LNX2: variants seen among roughly 807,000 people sequenced by gnomAD.
LNX2 encodes ligand of Numb protein X 2.
Under a neutral mutation model 66.2 loss-of-function variants are expected in LNX2, and 35 were observed. That is an observed-to-expected ratio of 0.53 (90% CI 0.40 to 0.70). The LOEUF is 0.70. LNX2 is among the 30% of genes least tolerant of loss of function. The pLI is 0.00. For synonymous variants in LNX2, 337 were observed against 315.6 expected, an observed-to-expected ratio of 1.07 and a Z score of -0.72; for missense variants, 791 against 850.8, an observed-to-expected ratio of 0.93 and a Z score of 0.87.
intron 9 of LNX2, 69 bp from the exon 10 acceptor site, chr13:27,548,539 T>A: frequency 6.6e-7 from 1 of 1,515,782 alleles, no homozygotes; most frequent in Non-Finnish European, 9.0e-7. Context: ...AATTGAGATT[T>A]ATGTAGCATG....
At chr13:27,616,174 T>TGGGGGGGG (rs1222027544) in intron 1 of LNX2, among the ~76,000 whole-genome samples, 1 of 10,310 alleles carries the variant, frequency 9.7e-5, no homozygotes, top group Non-Finnish European at 2.1e-4. Context: ...GGGTCGGGGG[T>TGGGGGGGG]GGGGTGGGGG....
chr13:27,593,944 C>T (rs1955571471), intron 1 of LNX2, among the ~76,000 whole-genome samples: 1 of 151,910 alleles, frequency 6.6e-6, no homozygotes, highest in South Asian at 2.1e-4. Flanking sequence ...TCCTATCACT[C>T]TTTTGTAACA....
At chr13:27,618,716 T>G (rs562535205) in intron 1 of LNX2, among the ~76,000 whole-genome samples, 3 of 152,236 alleles carry the variant, frequency 2.0e-5, no homozygotes, top group Non-Finnish European at 2.9e-5. Flanking sequence ...GAATAATACA[T>G]GTCCCTGACT....
chr13:27,562,844 T>A, intron 4 of LNX2, 63 bp from the exon 5 acceptor site: 1 of 1,521,080 alleles, frequency 6.6e-7, no homozygotes, highest in South Asian at 1.3e-5. Context: ...TGTAGGAATG[T>A]TTATGTGACA....
intron 1 of LNX2, among the ~76,000 whole-genome samples, chr13:27,618,378 T>C (rs1327388458): frequency 6.6e-6 from 1 of 152,190 alleles, no homozygotes; most frequent in African/African-American, 2.4e-5. Flanking sequence ...GAGGTTTCAG[T>C]GTATGACAGA....
At chr13:27,593,563 CTTTT>C (rs35280780) in intron 1 of LNX2, among the ~76,000 whole-genome samples, 2 of 115,550 alleles carry the variant, frequency 1.7e-5, no homozygotes, top group Admixed American at 9.1e-5. Context: ...CTGGCTGAAA[CTTTT>C]TTTTTTTTTT....
intron 1 of LNX2, among the ~76,000 whole-genome samples, chr13:27,587,724 T>C (rs1366812514): frequency 6.6e-6 from 1 of 152,118 alleles, no homozygotes; most frequent in East Asian, 1.9e-4. Context: ...GCTGCTTCTG[T>C]ATAAAGCAGT....
Position 27,559,849 on chromosome 13 carries a change from G to A in LNX2, c.1361C>T (p.Ser454Leu). 1 of 1,556,836 alleles carries A rather than the reference G, an allele frequency of 6.4e-7. No individual in the cohort carries two copies. Among genetic ancestry groups the A allele is most frequent in the South Asian group, 1.2e-5 (1 of 82,180 alleles). ...AAAAAAAAAAATCCTCACCTTATGTGAGCTTGGTCTGCTATAATACGGTGG... is the reference window on the plus strand; with the variant it reads ...AAAAAAAAAAATCCTCACCTTATGTAAGCTTGGTCTGCTATAATACGGTGG... The part of the protein sequence containing the change: ...TPPPYYSRPS[S>L]HKDLTQCVTC... Residue 454 changes from serine to leucine, a missense_variant, in exon 6 of 10, where the codon TCA becomes TTA. By Grantham distance (145) the Ser-to-Leu change is moderately radical. Transcript: ENST00000316334.
intron 2 of LNX2, among the ~76,000 whole-genome samples, chr13:27,571,008 CA>C (rs1955272814): frequency 6.6e-6 from 1 of 152,166 alleles, no homozygotes; most frequent in African/African-American, 2.4e-5. Context: ...AGTATACTTA[CA>C]GTCCCAGTGA....
In LNX2 at chr13:27,580,353, T is replaced by C. The variant is rs142608235; in HGVS notation, c.407+944A>G. Among the ~76,000 whole-genome samples the C allele has an allele frequency of 4.6e-5, 7 of 152,266 alleles. No individual in the cohort carries two copies. The East Asian group carries it at 1.2e-3, about 25-fold the overall frequency. ...TCTATGATTTTATGTGTGAGTATAA[T>C]AGCAAGCCATTCTATATCAGACTTA... On this transcript the variant is annotated intron_variant, in intron 2 of 9. Coordinates refer to ENST00000316334, the MANE Select transcript of LNX2 (RefSeq NM_153371.4).
intron 5 of LNX2, among the ~76,000 whole-genome samples, chr13:27,561,438 G>A (rs1204893363): frequency 6.6e-6 from 1 of 152,112 alleles, no homozygotes; most frequent in African/African-American, 2.4e-5. Flanking sequence ...TGGTGCAGCT[G>A]CTGGCTAATA....
At chr13:27,597,686 G>A (rs1955614032) in intron 1 of LNX2, among the ~76,000 whole-genome samples, 1 of 152,050 alleles carries the variant, frequency 6.6e-6, no homozygotes, top group Non-Finnish European at 1.5e-5. Context: ...AAGATGACTG[G>A]TAATGAGAGC....
Position 27,547,148 on chromosome 13 carries a change from A to G in LNX2, c.*1187T>C, listed in dbSNP as rs1230738217. 6.6e-6 allele frequency: 1 copy of G among 152,230 alleles called. No individual in the cohort carries two copies. Among genetic ancestry groups the G allele is most frequent in the Non-Finnish European group, 1.5e-5 (1 of 68,022 alleles). 9.4% of individuals were successfully genotyped at this position (152,230 alleles called of 1,614,324 possible). ...CTGTGATATATAGGTATTTAATAATATGGTTTTATCTTTATCATTTCGTTT... is the reference window on the plus strand; with the variant it reads ...CTGTGATATATAGGTATTTAATAATGTGGTTTTATCTTTATCATTTCGTTT... On this transcript the variant is annotated 3_prime_UTR_variant, in exon 10 of 10. Transcript: ENST00000316334.
chr13:27,583,226 G>GTCCTCTCCAATATAACTT (rs1555268494), intron 1 of LNX2, among the ~76,000 whole-genome samples: 325 of 29,326 alleles, frequency 0.011, 10 homozygotes, highest in African/African-American at 0.027. Flanking sequence ...GTGTGTGTGT[G>GTCCTCTCCAATATAACTT]TGTGTGTGTG....
chr13:27,569,173 C>A lies in LNX2; in HGVS notation c.511G>T (p.Ala171Ser), dbSNP rs1204148353. 1.9e-6 allele frequency: 3 copies of A among 1,612,868 alleles called. No individual in the cohort carries two copies. The highest frequency in any genetic ancestry group is 1.7e-6 in the Non-Finnish European group (2 of 1,179,542). The change falls in exon 3 of 10, where the codon GCA (alanine) becomes TCA (serine). Residue 171 changes from alanine (A) to serine (S), a missense_variant. Transcript: ENST00000316334. ...NENGPTLLDP[A>S]GTLSPEADCL... Reference sequence around the variant, plus strand: ...TCTGCTTCTGGAGATAAGGTACCTGCAGGATCTAGTAGAGTGGGCCCATTT... The same window carrying A: ...TCTGCTTCTGGAGATAAGGTACCTGAAGGATCTAGTAGAGTGGGCCCATTT...
Position 27,568,305 on chromosome 13 carries a change from T to A in LNX2, c.656-466A>T, listed in dbSNP as rs147809003. ...CGTAGGAAATGAAGAAGGCGCATAG[T>A]TGCGGCAAGGAAAATTCAAATTTGT... On this transcript the variant is annotated intron_variant, in intron 3 of 9. Coordinates refer to ENST00000316334, the MANE Select transcript of LNX2 (RefSeq NM_153371.4). 1.6e-3 allele frequency among the ~76,000 whole-genome samples: 242 copies of A among 152,276 alleles called. 1 individual carries two copies. The highest frequency in any genetic ancestry group is 5.5e-3 in the African/African-American group (230 of 41,562).
chr13:27,618,315 G>A (rs950949204), intron 1 of LNX2, among the ~76,000 whole-genome samples: 1 of 152,172 alleles, frequency 6.6e-6, no homozygotes, highest in Non-Finnish European at 1.5e-5. Flanking sequence ...TAATAGACAT[G>A]TTTTTTCAAG....
intron 3 of LNX2, 137 bp downstream of exon 3, chr13:27,568,892 C>T: frequency 1.1e-6 from 1 of 888,990 alleles, no homozygotes. Context: ...TAAATTATAT[C>T]TCAATGAAGT....
intron 1 of LNX2, among the ~76,000 whole-genome samples, chr13:27,602,912 T>C (rs556812963): frequency 6.6e-6 from 1 of 152,314 alleles, no homozygotes; most frequent in South Asian, 2.1e-4. Context: ...TTAAATCTAT[T>C]TGTAAGATAC....
Sources: allele counts gnomAD v4.1 joint callset (sites outside exome capture counted in the v4.1 genomes callset), GRCh38; gene constraint gnomAD v4.1.1; transcripts MANE v1.5; gene names NCBI Gene and HGNC (gene_info 2026-07-23, HGNC 2026-07-21).